The following BSN variants were observed in gnomAD, a reference collection of about 807,000 sequenced individuals.
The protein encoded by BSN is protein bassoon.
Under a neutral mutation model 264.8 loss-of-function variants are expected in BSN, and 57 were observed. That is an observed-to-expected ratio of 0.22 (90% confidence interval 0.17 to 0.27). The LOEUF is 0.27. Ranked by LOEUF, BSN falls within the 10% of genes least tolerant of loss-of-function variation. The probability of loss-of-function intolerance (pLI) is 1.00; values close to 1 mark genes in which losing one functional copy is unlikely to be tolerated. For synonymous variants in BSN, 2,059 were observed against 2,137.3 expected (o/e 0.96, Z 1.01); for missense variants, 4,615 against 5,232.5 (o/e 0.88, Z 3.64).
rs2052694450 is a variant in BSN, at chr3:49,664,426, T to C, written c.11612T>C (p.Val3871Ala). ...QPAPGPGPAGVKAGARPGGTP... is the reference protein window; with the variant it reads ...QPAPGPGPAGAKAGARPGGTP... ...ATGGCGATTTCTTTCCTCCTAGGTG[T>C]GAAGGCTGGAGCCAGGCCTGGAGGA... Residue 3871 changes from valine to alanine, a missense_variant, in exon 9 of 12, where the codon GTG becomes GCG. By Grantham distance (64) the Val-to-Ala change is moderately conservative. Coordinates refer to ENST00000296452, the MANE Select transcript of BSN (RefSeq NM_003458.4). 10 of 1,613,710 alleles carry C rather than the reference T, an allele frequency of 6.2e-6. No individual in the cohort carries two copies. Among genetic ancestry groups the C allele is most frequent in the Non-Finnish European group, 7.6e-6 (9 of 1,179,980 alleles).
chr3:49,662,381 G>C lies in BSN; in HGVS notation c.10536G>C (p.Gly3512=). ...SEEESPVSPL[G]RPRPAGGPLP... ...AGGAGAGCCCCGTCAGTCCTTTGGG[G>C]AGGCCCCGCCCTGCCGGAGGGCCCC... Residue 3512 remains glycine, a synonymous_variant, in exon 6 of 12, where the codon GGG becomes GGC. Coordinates refer to ENST00000296452, the MANE Select transcript of BSN (RefSeq NM_003458.4). 1 of 1,613,526 alleles carries C rather than the reference G, an allele frequency of 6.2e-7. No individual in the cohort carries two copies. The highest frequency in any genetic ancestry group is 8.5e-7 in the Non-Finnish European group (1 of 1,179,938).
chr3:49,575,682 G>A (rs2051841078), intron 1 of BSN, among the ~76,000 whole-genome samples: 1 of 145,538 alleles, frequency 6.9e-6, no homozygotes, highest in South Asian at 2.1e-4. Flanking sequence ...ATATATACAA[G>A]TAAGACACAG....
chr3:49,620,714 C>T (rs2052298790), intron 1 of BSN, among the ~76,000 whole-genome samples: 1 of 152,130 alleles, frequency 6.6e-6, no homozygotes, highest in East Asian at 1.9e-4. Context: ...TGGGGCTGGG[C>T]TTGGTGGCTC....
At chr3:49,589,001 G>A (rs2051956269) in intron 1 of BSN, among the ~76,000 whole-genome samples, 1 of 150,556 alleles carries the variant, frequency 6.6e-6, no homozygotes, top group African/African-American at 2.4e-5. Context: ...TGCAAGCTCC[G>A]CCTCCCGCGT....
At chr3:49,565,144 CTTT>C (rs971015437) in intron 1 of BSN, among the ~76,000 whole-genome samples, 3 of 104,580 alleles carry the variant, frequency 2.9e-5, no homozygotes, top group Non-Finnish European at 3.9e-5. Context: ...AGAGGATTTT[CTTT>C]TTTTTTTTTT....
chr3:49,574,133 T>TTA (rs2051821801), intron 1 of BSN, among the ~76,000 whole-genome samples: 1 of 5,102 alleles, frequency 2.0e-4, no homozygotes, highest in Admixed American at 3.4e-3. Flanking sequence ...TATTTTTGTA[T>TTA]TTTTTTTTTT....
chr3:49,649,850 A>C (rs912561690), intron 3 of BSN, among the ~76,000 whole-genome samples: 1 of 152,202 alleles, frequency 6.6e-6, no homozygotes, highest in Non-Finnish European at 1.5e-5. Flanking sequence ...ATTTGATCCC[A>C]GTCCAGCTCT....
At position 49,578,430 on chromosome 3, in the gene BSN, C is replaced by T. The variant is rs555136549; in HGVS notation, c.224+23604C>T. 2.0e-5 allele frequency among the ~76,000 whole-genome samples: 3 copies of T among 149,660 alleles called. No homozygotes were observed. In the East Asian group the frequency reaches 5.9e-4, roughly 29 times the overall value. On this transcript the variant is annotated intron_variant, in intron 1 of 11. Transcript: ENST00000296452. ...CTACAGTTTTTTTTTTTTTATAAGA[C>T]GGAGTCTCGCTCTGTCGCTCAGCCT...
In BSN at chr3:49,642,738, G is replaced by A. The variant is rs1412697102; in HGVS notation, c.1104G>A (p.Gln368=). The change falls in exon 3 of 12, where the codon CAG becomes CAA. Residue 368 remains glutamine, a synonymous_variant. Transcript: ENST00000296452. The surrounding 1 kb of genome is among the most constrained non-coding windows in gnomAD (Gnocchi z 7.0). ...AGGCGAGCACCCTCATGTCTGTGCA[G>A]CCCGAGGCTGACACCCAGGGCCAGC... ...LTQASTLMSV[Q]PEADTQGQPA... is the part of the protein sequence containing the mutation. The A allele has an allele frequency of 1.2e-6, 2 of 1,613,510 alleles. No individual in the cohort carries two copies. Among genetic ancestry groups the A allele is most frequent in the South Asian group, 1.1e-5 (1 of 91,086 alleles).
At chr3:49,572,567 T>C (rs889881018) in intron 1 of BSN, among the ~76,000 whole-genome samples, 1 of 152,236 alleles carries the variant, frequency 6.6e-6, no homozygotes, top group Non-Finnish European at 1.5e-5. Flanking sequence ...GGTGTCTTGC[T>C]CTGTCGCCCA....
rs1458343506 is a variant in BSN, at chr3:49,669,607, A to G, written c.*2122A>G. On this transcript the variant is annotated 3_prime_UTR_variant, in exon 12 of 12. Coordinates refer to ENST00000296452, the MANE Select transcript of BSN (RefSeq NM_003458.4). ...CTCTCCTCTGTGGCTAGGAGGCTCA[A>G]AGGACTGTGAGCCAGGAGATCTGGG... The G allele has an allele frequency of 6.6e-6, 1 of 152,418 alleles. No homozygotes were observed. Among genetic ancestry groups the G allele is most frequent in the East Asian group, 1.9e-4 (1 of 5,198 alleles). 9.4% of individuals were successfully genotyped at this position (152,418 alleles called of 1,614,324 possible).
chr3:49,603,196 G>C (rs1323119501), intron 1 of BSN, among the ~76,000 whole-genome samples: 6 of 152,240 alleles, frequency 3.9e-5, no homozygotes, highest in Non-Finnish European at 8.8e-5. Context: ...GTCCCACCCT[G>C]ATGCCTTCCT....
rs2052552749 is a variant in BSN at position 49,652,549 on chromosome 3, C to G, written c.2993C>G (p.Ser998Cys). 1 of 1,613,662 alleles carries G rather than the reference C, an allele frequency of 6.2e-7. No individual in the cohort carries two copies. Among genetic ancestry groups the G allele is most frequent in the Non-Finnish European group, 8.5e-7 (1 of 1,179,982 alleles). ...PSYTSGTSPTSLSSLEEDSDS... is the reference protein window; with the variant it reads ...PSYTSGTSPTCLSSLEEDSDS... Reference sequence around the variant, plus strand: ...TACACCTCGGGCACCTCTCCCACCTCTCTGTCCTCCCTAGAGGAGGACAGT... The same window carrying G: ...TACACCTCGGGCACCTCTCCCACCTGTCTGTCCTCCCTAGAGGAGGACAGT... Residue 998 changes from serine (S) to cysteine (C), a missense_variant, in exon 5 of 12, where the codon TCT (serine) becomes TGT (cysteine). Ser to Cys is a moderately radical substitution (Grantham distance 112). This residue lies in a region of BSN where 1,197 missense variants were observed against 1,348.0 expected (regional missense o/e 0.89). Coordinates refer to ENST00000296452, the MANE Select transcript of BSN (RefSeq NM_003458.4).
chr3:49,621,398 G>T (rs992666518), intron 1 of BSN, among the ~76,000 whole-genome samples: 2 of 152,170 alleles, frequency 1.3e-5, no homozygotes, highest in Admixed American at 1.3e-4. Flanking sequence ...GTGTTCTGGG[G>T]TTGGCAGATG....
chr3:49,561,953 G>A (rs146772334), intron 1 of BSN, among the ~76,000 whole-genome samples: 3 of 152,144 alleles, frequency 2.0e-5, no homozygotes, highest in African/African-American at 7.2e-5. Flanking sequence ...GATTACAAGT[G>A]TGTGCCACCA....
rs755923354 is a variant in BSN, at chr3:49,661,949, G to T, written c.10104G>T (p.Lys3368Asn). The change falls in exon 6 of 12, where the codon AAG becomes AAT. Residue 3368 changes from lysine to asparagine, a missense_variant. Coordinates refer to ENST00000296452, the MANE Select transcript of BSN (RefSeq NM_003458.4). ...SKHRKQGMEQ[K>N]ISKFSPIEEA... ...ACCGGAAGCAGGGCATGGAGCAAAA[G>T]ATATCCAAGTTCTCGCCTATTGAAG... 1.2e-6 allele frequency: 2 copies of T among 1,613,988 alleles called. No individual in the cohort carries two copies. The highest frequency in any genetic ancestry group is 8.5e-7 in the Non-Finnish European group (1 of 1,180,042).
chr3:49,624,909 G>C, intron 1 of BSN, 66 bp from the exon 2 acceptor site: 2 of 1,439,920 alleles, frequency 1.4e-6, no homozygotes, highest in Non-Finnish European at 1.8e-6. Context: ...ACCTAGCTTG[G>C]TAGAGACCTC....
chr3:49,627,486 C>G (rs1193428621), intron 2 of BSN, among the ~76,000 whole-genome samples: 1 of 152,208 alleles, frequency 6.6e-6, no homozygotes, highest in Non-Finnish European at 1.5e-5. Context: ...TGCAGTTGCT[C>G]TTTGTCACTT....
At chr3:49,562,413 G>T (rs770486022) in intron 1 of BSN, among the ~76,000 whole-genome samples, 13 of 152,230 alleles carry the variant, frequency 8.5e-5, no homozygotes, top group Non-Finnish European at 1.6e-4. Flanking sequence ...CTCTTGTCCA[G>T]ATCTTTAGCC....
Sources: gnomAD v4.1 joint callset for allele counts (sites outside exome capture counted in the v4.1 genomes callset) on GRCh38, gnomAD v4.1.1 for gene constraint, gnomAD v4.1.1 regional missense constraint, Gnocchi (gnomAD v3.1) non-coding constraint, MANE v1.5 for transcripts, NCBI Gene and HGNC (gene_info 2026-07-23, HGNC 2026-07-21) for gene names.